IL1RAPL1: variants seen among roughly 807,000 people sequenced by gnomAD.
IL1RAPL1 encodes the protein interleukin-1 receptor accessory protein-like 1.
IL1RAPL1 carries 3 observed loss-of-function variants against 48.4 expected under a neutral mutation model. That is an observed-to-expected ratio of 0.06 (90% CI 0.03 to 0.16). The LOEUF is 0.16. Ranked by LOEUF, IL1RAPL1 falls within the 10% of genes least tolerant of loss-of-function variation. IL1RAPL1 has a pLI of 1.00. For synonymous variants in IL1RAPL1, 185 were observed against 187.7 expected, an observed-to-expected ratio of 0.99 and a Z score of 0.12; for missense variants, 349 against 530.6, an observed-to-expected ratio of 0.66 and a Z score of 3.36.
intron 1 of IL1RAPL1, among the ~76,000 whole-genome samples, chrX:28,778,043 T>A (rs1936377571): frequency 9.0e-6 from 1 of 111,537 alleles, no homozygotes; most frequent in Non-Finnish European, 1.9e-5. Flanking sequence ...GGGTCATCAG[T>A]CTCTTTGAAA....
intron 2 of IL1RAPL1, among the ~76,000 whole-genome samples, chrX:29,026,210 C>A (rs755817134): frequency 1.8e-5 from 2 of 111,774 alleles, no homozygotes; most frequent in African/African-American, 6.5e-5. Context: ...TTGTTGATAA[C>A]TGTATTACTT....
intron 6 of IL1RAPL1, among the ~76,000 whole-genome samples, chrX:29,803,202 C>CGTATACATGTAT (rs1930086897): frequency 3.3e-5 from 1 of 30,528 alleles, no homozygotes; most frequent in Admixed American, 2.8e-4. Context: ...TATACATATA[C>CGTATACATGTAT]ACACATGTAT....
chrX:29,520,609 G>A (rs5927687), intron 5 of IL1RAPL1, among the ~76,000 whole-genome samples: 1,649 of 111,016 alleles, frequency 0.015, 17 homozygotes, highest in Non-Finnish European at 0.024. Flanking sequence ...GTTCTTAATG[G>A]CCAAATGTAG....
At chrX:29,945,586 T>C (rs1221764418) in intron 9 of IL1RAPL1, among the ~76,000 whole-genome samples, 1 of 112,350 alleles carries the variant, frequency 8.9e-6, no homozygotes, top group African/African-American at 3.2e-5. Context: ...GAATAACAAG[T>C]GATGTGTTGA....
intron 5 of IL1RAPL1, among the ~76,000 whole-genome samples, chrX:29,489,212 C>T (rs5972233): frequency 0.42 from 46,596 of 110,085 alleles, 7,628 homozygotes; most frequent in East Asian, 0.71. Flanking sequence ...ACTTGAGCAT[C>T]TCAGCCACAG....
At chrX:29,574,877 A>T (rs1213864831) in intron 5 of IL1RAPL1, among the ~76,000 whole-genome samples, 6 of 111,914 alleles carry the variant, frequency 5.4e-5, no homozygotes, top group African/African-American at 2.0e-4. Flanking sequence ...AGTTCCACAG[A>T]TCCCTAGAGC....
chrX:29,661,507 T>G (rs1457477180), intron 5 of IL1RAPL1, among the ~76,000 whole-genome samples: 1 of 112,342 alleles, frequency 8.9e-6, no homozygotes, highest in Non-Finnish European at 1.9e-5. Flanking sequence ...GCCTAAAATA[T>G]GAAACTTTCC....
chrX:29,113,714 G>A (rs1157024237), intron 2 of IL1RAPL1, among the ~76,000 whole-genome samples: 1 of 111,208 alleles, frequency 9.0e-6, no homozygotes. Context: ...ATTGATTTTT[G>A]TATGTAAATT....
chrX:29,092,396 A>G (rs942982120), intron 2 of IL1RAPL1, among the ~76,000 whole-genome samples: 3 of 112,065 alleles, frequency 2.7e-5, no homozygotes, highest in Non-Finnish European at 3.8e-5. Context: ...AAAACAAAAT[A>G]GCACACTGTT....
chrX:29,802,788 T>TATAC (rs1929969019), intron 6 of IL1RAPL1, among the ~76,000 whole-genome samples: 2 of 17,143 alleles, frequency 1.2e-4, no homozygotes, highest in Non-Finnish European at 2.1e-4. Flanking sequence ...TATATGTGTG[T>TATAC]GTGTATATAT....
intron 3 of IL1RAPL1, among the ~76,000 whole-genome samples, chrX:29,295,846 T>A (rs1932442213): frequency 9.0e-6 from 1 of 111,585 alleles, no homozygotes; most frequent in Non-Finnish European, 1.9e-5. Flanking sequence ...GTCCCAGAGG[T>A]TACTTATATC....
chrX:29,410,460 CAA>C (rs751676116), intron 5 of IL1RAPL1, among the ~76,000 whole-genome samples: 3 of 89,692 alleles, frequency 3.3e-5, no homozygotes, highest in Non-Finnish European at 4.5e-5. Context: ...GACTCTGTGT[CAA>C]AAAAAAAAAA....
chrX:29,723,011 T>A (rs908545889), intron 6 of IL1RAPL1, among the ~76,000 whole-genome samples: 1 of 112,020 alleles, frequency 8.9e-6, no homozygotes, highest in Non-Finnish European at 1.9e-5. Context: ...AGTAAGTTTT[T>A]TGGATCATAT....
chrX:29,792,804 A>G (rs1248904463), intron 6 of IL1RAPL1, among the ~76,000 whole-genome samples: 1 of 111,356 alleles, frequency 9.0e-6, no homozygotes, highest in Admixed American at 9.6e-5. Context: ...GTGATCTCTA[A>G]ACAATTCTAG....
chrX:29,012,004 G>C (rs750778394), intron 2 of IL1RAPL1, among the ~76,000 whole-genome samples: 13 of 112,137 alleles, frequency 1.2e-4, no homozygotes, highest in Non-Finnish European at 2.3e-4. Context: ...TTGGAAACCA[G>C]AGAGACCGAC....
intron 2 of IL1RAPL1, among the ~76,000 whole-genome samples, chrX:29,073,579 G>A (rs973493294): frequency 7.3e-5 from 8 of 110,072 alleles, no homozygotes; most frequent in African/African-American, 2.6e-4. Flanking sequence ...TTCCTTCCTC[G>A]TTTCTTTATC....
rs1232712565 is a variant in IL1RAPL1, at chrX:29,807,110, C to T, written c.779-110354C>T. Among the ~76,000 whole-genome samples the T allele has an allele frequency of 2.7e-5, 3 of 110,153 alleles. No homozygotes were observed. The East Asian group carries it at 8.5e-4, about 31-fold the overall frequency. On this transcript the variant is annotated intron_variant, in intron 6 of 10. Transcript: ENST00000378993. ...GTATTTATAGCAGTGCAAGAATGGC[C>T]TAATACAATATGTAACTATTTAAAT...
chrX:29,813,012 T>G (rs1418220803), intron 6 of IL1RAPL1, among the ~76,000 whole-genome samples: 1 of 111,752 alleles, frequency 8.9e-6, no homozygotes, highest in East Asian at 2.8e-4. Context: ...CCCCGTGCCC[T>G]GTGTGCCACC....
chrX:29,366,189 ATAT>A (rs1481708889), intron 3 of IL1RAPL1, among the ~76,000 whole-genome samples: 2 of 111,469 alleles, frequency 1.8e-5, no homozygotes, highest in Non-Finnish European at 3.8e-5. Flanking sequence ...CAACTTCATA[ATAT>A]TATATTACCT....
Sources: allele counts gnomAD v4.1 joint callset (sites outside exome capture counted in the v4.1 genomes callset), GRCh38; gene constraint gnomAD v4.1.1; transcripts MANE v1.5; gene names NCBI Gene and HGNC (gene_info 2026-07-23, HGNC 2026-07-21).